Variants in RPL37A observed in about 807,000 individuals in gnomAD.
RPL37A encodes the protein large ribosomal subunit protein eL43.
In RPL37A, 5 loss-of-function variants were observed where a neutral mutation model predicts 13.6. The ratio of observed to expected loss-of-function variants is 0.37; its 90% confidence interval spans 0.19 to 0.78. RPL37A has a LOEUF of 0.78. Among genes scored for constraint, RPL37A ranks in the 30% least tolerant of loss-of-function variants. RPL37A has a pLI of 0.49. For synonymous variants in RPL37A, 50 were observed against 44.4 expected, an observed-to-expected ratio of 1.13 and a Z score of -0.50; for missense variants, 77 against 120.0, an observed-to-expected ratio of 0.64 and a Z score of 1.67.
rs777363738 is a variant in RPL37A, at chr2:216,503,950, G to A, written c.*2546G>A. The A allele has an allele frequency of 1.3e-5, 2 of 152,110 alleles. No homozygotes were observed. Among genetic ancestry groups the A allele is most frequent in the Non-Finnish European group, 2.9e-5 (2 of 68,028 alleles). The allele number at this position is 152,110 out of a possible 1,614,324, so 9.4% of individuals were successfully genotyped here. A position where few individuals can be genotyped will look rare whatever the true frequency, so the allele number is the denominator to read the frequency against. The stretch of plus-strand genomic sequence containing the variant: ...CCTGCCTCTTCCCATGCTAAAGATG[G>A]CCCACCTTCGTTTTGTTATTTAAGC... On this transcript the variant is annotated 3_prime_UTR_variant, in exon 4 of 4. Coordinates refer to ENST00000491306, the MANE Select transcript of RPL37A (RefSeq NM_000998.5).
chr2:216,503,557 G>A lies in RPL37A; in HGVS notation c.*2153G>A, dbSNP rs1366577302. 1 of 152,166 alleles carries A rather than the reference G, an allele frequency of 6.6e-6. No individual in the cohort carries two copies. Among genetic ancestry groups the A allele is most frequent in the Non-Finnish European group, 1.5e-5 (1 of 68,036 alleles). 9.4% of individuals were successfully genotyped at this position (152,166 alleles called of 1,614,324 possible). ...TTACAGGCTTATGCCACAAAGCTCA[G>A]CTAGTTTTTGTATTTTTTATTTTTA... On this transcript the variant is annotated 3_prime_UTR_variant, in exon 4 of 4. Transcript: ENST00000491306.
intron 3 of RPL37A, 157 bp downstream of exon 3, chr2:216,500,188 G>C: frequency 1.6e-6 from 1 of 631,612 alleles, no homozygotes; most frequent in African/African-American, 1.8e-5. Flanking sequence ...TTTATTTTCA[G>C]TTATTGAAAG....
intron 2 of RPL37A, 178 bp from the exon 3 acceptor site, chr2:216,499,771 A>T (rs1362338177): frequency 1.4e-6 from 1 of 719,234 alleles, no homozygotes; most frequent in African/African-American, 1.7e-5. Context: ...TTTGTTTGAT[A>T]AAGGTTTGAA....
chr2:216,499,956 T>C lies in RPL37A; in HGVS notation c.140T>C (p.Met47Thr). 2.5e-6 allele frequency: 4 copies of C among 1,613,930 alleles called. No individual in the cohort carries two copies. The highest frequency in any genetic ancestry group is 1.1e-5 in the South Asian group (1 of 91,078). Residue 47 changes from methionine (M) to threonine (T), a missense_variant, in exon 3 of 4, where the codon ATG becomes ACG. Physicochemically the swap from Met to Thr is moderately conservative, Grantham distance 81. Transcript: ENST00000491306. ...ATTGGTTCTCTTTTATAGACCAAGA[T>C]GAAGAGACGAGCTGTGGGGATCTGG... ...YTCSFCGKTK[M>T]KRRAVGIWHC...
rs189085933 is a variant in RPL37A, at chr2:216,503,537, G to C, written c.*2133G>C. The C allele has an allele frequency of 3.9e-5, 6 of 152,314 alleles. No homozygotes were observed. The highest frequency in any genetic ancestry group is 1.4e-4 in the African/African-American group (6 of 41,560). The allele number at this position is 152,314 out of a possible 1,614,324, so 9.4% of individuals were successfully genotyped here. A position where few individuals can be genotyped will look rare whatever the true frequency, so the allele number is the denominator to read the frequency against. On this transcript the variant is annotated 3_prime_UTR_variant, in exon 4 of 4. Coordinates refer to ENST00000491306, the MANE Select transcript of RPL37A (RefSeq NM_000998.5). ...AGCCTCCGAAGTAGCTGGGATTACA[G>C]GCTTATGCCACAAAGCTCAGCTAGT...
chr2:216,498,863 G>C lies in RPL37A; in HGVS notation c.-12G>C, dbSNP rs1275092776. On this transcript the variant is annotated 5_prime_UTR_variant, in exon 1 of 4. Transcript: ENST00000491306. Reference sequence around the variant, plus strand: ...CTCTTCCTTTCTGGGCTCGGACCTAGGTCGCGGCGACATGGTGAGTGTGGG... The same window carrying C: ...CTCTTCCTTTCTGGGCTCGGACCTACGTCGCGGCGACATGGTGAGTGTGGG... 3 of 1,614,134 alleles carry C rather than the reference G, an allele frequency of 1.9e-6. No homozygotes were observed. In the South Asian group the frequency reaches 3.3e-5, roughly 18 times the overall value.
intron 1 of RPL37A, 107 bp downstream of exon 1, chr2:216,498,984 G>T: frequency 6.7e-7 from 1 of 1,497,352 alleles, no homozygotes; most frequent in Non-Finnish European, 9.3e-7. Context: ...GTTCTCTCCT[G>T]TCTCCATGCC....
intron 3 of RPL37A, chr2:216,500,426 CCA>C: frequency 3.7e-6 from 1 of 273,394 alleles, no homozygotes; most frequent in Non-Finnish European, 7.1e-6. Flanking sequence ...ATCAGGACCA[CCA>C]CAGTTTCGTC....
At chr2:216,498,913 C>G (rs757178572) in intron 1 of RPL37A, 36 bp downstream of exon 1, 1 of 1,613,454 alleles carries the variant, frequency 6.2e-7, no homozygotes, top group Non-Finnish European at 8.5e-7. Flanking sequence ...AGAACTCTAT[C>G]TGCCTGCATC....
In RPL37A at chr2:216,499,373, A is replaced by G. The variant is rs1574496826; in HGVS notation, c.107A>G (p.Lys36Arg). The G allele has an allele frequency of 6.2e-7, 1 of 1,614,092 alleles. No homozygotes were observed. Among genetic ancestry groups the G allele is most frequent in the Admixed American group, 1.7e-5 (1 of 60,006 alleles). ...VKKIEISQHA[K>R]YTCSFCGKTK... is the part of the protein sequence containing the mutation. ...AAAATTGAAATCAGCCAGCACGCCA[A>G]GTACACTTGCTCTTTCTGTGGCAAA... is the stretch of plus-strand genomic sequence containing the variant. The change falls in exon 2 of 4, where the codon AAG becomes AGG. Residue 36 changes from lysine to arginine, a missense_variant. Around this residue, in one of 3 missense-constraint regions of RPL37A, gnomAD observed 59 missense variants for 65.5 expected, o/e 0.90. Transcript: ENST00000491306.
rs774813903 is a variant in RPL37A at position 216,499,946 on chromosome 2, T to C, written c.133-3T>C. 2 of 1,613,192 alleles carry C rather than the reference T, an allele frequency of 1.2e-6. No homozygotes were observed. Among genetic ancestry groups the C allele is most frequent in the Non-Finnish European group, 1.7e-6 (2 of 1,179,332 alleles). ...CATAGTGAAAATTGGTTCTCTTTTATAGACCAAGATGAAGAGACGAGCTGT... is the reference window on the plus strand; with the variant it reads ...CATAGTGAAAATTGGTTCTCTTTTACAGACCAAGATGAAGAGACGAGCTGT... On this transcript the variant is annotated splice_region_variant and splice_polypyrimidine_tract_variant and intron_variant, in intron 2 of 3. Coordinates refer to ENST00000491306, the MANE Select transcript of RPL37A (RefSeq NM_000998.5).
intron 1 of RPL37A, 103 bp from the exon 2 acceptor site, chr2:216,499,167 C>A: frequency 1.4e-6 from 2 of 1,382,894 alleles, no homozygotes; most frequent in Non-Finnish European, 2.0e-6. Flanking sequence ...ATGTAATTCA[C>A]ATGTCGGTCA....
intron 3 of RPL37A, 59 bp downstream of exon 3, chr2:216,500,090 G>GCA: frequency 1.5e-6 from 2 of 1,346,006 alleles, no homozygotes; most frequent in Non-Finnish European, 2.1e-6. Context: ...CCAAATTCCA[G>GCA]GTTGCTGCTG....
At chr2:216,499,048 C>T (rs1276719164) in intron 1 of RPL37A, 171 bp downstream of exon 1, 2 of 1,213,372 alleles carry the variant, frequency 1.6e-6, no homozygotes, top group Non-Finnish European at 2.3e-6. Context: ...GCGGGGGCGC[C>T]TTGGCTGGGC....
chr2:216,503,606 T>C lies in RPL37A; in HGVS notation c.*2202T>C, dbSNP rs553183888. 3.9e-5 allele frequency: 6 copies of C among 152,338 alleles called. No homozygotes were observed. The highest frequency in any genetic ancestry group is 1.4e-4 in the African/African-American group (6 of 41,574). 9.4% of individuals were successfully genotyped at this position (152,338 alleles called of 1,614,324 possible). A position where few individuals can be genotyped will look rare whatever the true frequency, so the allele number is the denominator to read the frequency against. On this transcript the variant is annotated 3_prime_UTR_variant, in exon 4 of 4. Transcript: ENST00000491306. ...TAGTAGAGATGGGCTTTCGCCATGT[T>C]GACCAGGCTGGTCTCAAACTCCCAG...
intron 3 of RPL37A, chr2:216,500,251 T>A (rs926536647): frequency 1.7e-6 from 1 of 582,444 alleles, no homozygotes; most frequent in Non-Finnish European, 3.1e-6. Flanking sequence ...CACAGACTAC[T>A]TTAGAATTTG....
chr2:216,499,729 C>T (rs284573), intron 2 of RPL37A: 1 of 694,926 alleles, frequency 1.4e-6, no homozygotes, highest in Non-Finnish European at 2.6e-6. Flanking sequence ...GTCTGTGCAT[C>T]TAATACCATT....
chr2:216,499,164 T>C (rs1695552428), intron 1 of RPL37A, 106 bp from the exon 2 acceptor site: 1 of 1,375,252 alleles, frequency 7.3e-7, no homozygotes, highest in African/African-American at 1.5e-5. Context: ...CATATGTAAT[T>C]CACATGTCGG....
At chr2:216,500,206 A>C (rs1485358558) in intron 3 of RPL37A, 175 bp downstream of exon 3, 1 of 614,344 alleles carries the variant, frequency 1.6e-6, no homozygotes, top group Admixed American at 2.9e-5. Context: ...AAGAGTAAAC[A>C]CAAAACTACC....
Sources: allele counts gnomAD v4.1 joint callset, GRCh38; gene constraint gnomAD v4.1.1; regional missense constraint gnomAD v4.1.1; transcripts MANE v1.5; gene names NCBI Gene and HGNC (gene_info 2026-07-23, HGNC 2026-07-21).